PRDM5: variants seen among roughly 807,000 people sequenced by gnomAD.
PRDM5 encodes the protein PR/SET domain 5, also known as PR domain zinc finger protein 5.
PRDM5 carries 56 observed loss-of-function variants against 81.2 expected under a neutral mutation model. The observed-to-expected ratio is 0.69, with a 90% CI of 0.56 to 0.86. The LOEUF (loss-of-function observed/expected upper bound fraction) is 0.86. PRDM5 is among the 40% of genes least tolerant of loss of function. The probability of loss-of-function intolerance (pLI) is 0.00; values close to 1 mark genes in which losing one functional copy is unlikely to be tolerated. For synonymous variants in PRDM5, 267 were observed against 256.4 expected (o/e 1.04, Z -0.39); for missense variants, 697 against 770.1 (o/e 0.91, Z 1.12).
intron 1 of PRDM5, among the ~76,000 whole-genome samples, chr4:120,914,005 A>C (rs1021880474): frequency 2.0e-5 from 3 of 152,166 alleles, no homozygotes; most frequent in African/African-American, 7.2e-5. Context: ...ATTCAATAAC[A>C]GTCTTGAGCT....
chr4:120,870,866 T>C lies in PRDM5; in HGVS notation c.178-17326A>G, dbSNP rs184780298. Among the ~76,000 whole-genome samples, 29 of 152,280 alleles carry C rather than the reference T, an allele frequency of 1.9e-4. 1 individual carries two copies. Among genetic ancestry groups the C allele is most frequent in the Non-Finnish European group, 3.4e-4 (23 of 68,024 alleles). On this transcript the variant is annotated intron_variant, in intron 2 of 15. Coordinates refer to ENST00000264808, the MANE Select transcript of PRDM5 (RefSeq NM_018699.4). ...GAAGGAGATTTATTCAGAGTCTAGG[T>C]AGGGTTGAGCCTGGGCAGGCAAGAA...
At chr4:120,903,216 G>T (rs1765407427) in intron 2 of PRDM5, among the ~76,000 whole-genome samples, 1 of 152,052 alleles carries the variant, frequency 6.6e-6, no homozygotes, top group African/African-American at 2.4e-5. Flanking sequence ...CATAGATATG[G>T]GGCATAGCAG....
intron 8 of PRDM5, among the ~76,000 whole-genome samples, chr4:120,807,945 A>C (rs1753230998): frequency 6.6e-6 from 1 of 151,484 alleles, no homozygotes; most frequent in Non-Finnish European, 1.5e-5. Context: ...TGAGTGTTAC[A>C]GTTCTTAAAG....
At chr4:120,743,428 A>G (rs1417649180) in intron 14 of PRDM5, among the ~76,000 whole-genome samples, 2 of 148,878 alleles carry the variant, frequency 1.3e-5, no homozygotes, top group Admixed American at 1.3e-4. Context: ...CACACATAAC[A>G]CTATTAACTT....
At chr4:120,826,602 T>C (rs1756025094) in intron 3 of PRDM5, among the ~76,000 whole-genome samples, 1 of 151,966 alleles carries the variant, frequency 6.6e-6, no homozygotes, top group Non-Finnish European at 1.5e-5. Flanking sequence ...TAATAGGTAG[T>C]AAAATACTTG....
chr4:120,803,754 A>G (rs1446557792), intron 8 of PRDM5, among the ~76,000 whole-genome samples: 2 of 152,236 alleles, frequency 1.3e-5, no homozygotes, highest in Non-Finnish European at 2.9e-5. Context: ...AAAACATGCC[A>G]AATTGTAAAG....
chr4:120,907,003 T>TAAAAAA (rs3086696), intron 2 of PRDM5, among the ~76,000 whole-genome samples: 2 of 111,792 alleles, frequency 1.8e-5, no homozygotes, highest in African/African-American at 6.7e-5. Flanking sequence ...CCACTTTCTC[T>TAAAAAA]AAAAAAAAAA....
chr4:120,886,821 T>C (rs868552748), intron 2 of PRDM5, among the ~76,000 whole-genome samples: 2 of 152,110 alleles, frequency 1.3e-5, no homozygotes, highest in Admixed American at 6.5e-5. Flanking sequence ...TACAACATAG[T>C]CTACCCCACC....
chr4:120,720,546 GCCATATATCTAA>G (rs1162311399), intron 14 of PRDM5, among the ~76,000 whole-genome samples: 1 of 152,174 alleles, frequency 6.6e-6, no homozygotes, highest in Non-Finnish European at 1.5e-5. Context: ...AGTACGGCAT[GCCATATATCTAA>G]CAGTTCCTCT....
chr4:120,735,016 C>T (rs1396380717), intron 14 of PRDM5, among the ~76,000 whole-genome samples: 1 of 152,182 alleles, frequency 6.6e-6, no homozygotes. Flanking sequence ...AGTTGGCCAT[C>T]TGAGACCAAA....
chr4:120,916,392 T>C (rs1310776296), intron 1 of PRDM5, among the ~76,000 whole-genome samples: 1 of 113,994 alleles, frequency 8.8e-6, no homozygotes, highest in Non-Finnish European at 2.0e-5. Flanking sequence ...ATCTCATAAA[T>C]AAATAAATAA....
intron 2 of PRDM5, among the ~76,000 whole-genome samples, chr4:120,890,848 G>A (rs1323488659): frequency 6.6e-6 from 1 of 152,070 alleles, no homozygotes; most frequent in Admixed American, 6.6e-5. Context: ...ATTTGTTTAA[G>A]TACCTTATAC....
At chr4:120,709,650 C>T (rs1355707708) in intron 15 of PRDM5, among the ~76,000 whole-genome samples, 1 of 152,100 alleles carries the variant, frequency 6.6e-6, no homozygotes, top group Non-Finnish European at 1.5e-5. Context: ...TACATTGATT[C>T]CCTAACATCT....
intron 3 of PRDM5, among the ~76,000 whole-genome samples, chr4:120,831,850 G>A (rs1033476304): frequency 1.3e-5 from 2 of 152,194 alleles, no homozygotes; most frequent in South Asian, 2.1e-4. Flanking sequence ...AATGTTTGAA[G>A]TATCAAGTCT....
At chr4:120,789,091 T>C (rs1410586740) in intron 10 of PRDM5, among the ~76,000 whole-genome samples, 1 of 152,186 alleles carries the variant, frequency 6.6e-6, no homozygotes, top group East Asian at 1.9e-4. Context: ...TGATGTTCTG[T>C]AGAACATCCC....
At chr4:120,790,324 T>C (rs1240860839) in intron 10 of PRDM5, among the ~76,000 whole-genome samples, 1 of 152,214 alleles carries the variant, frequency 6.6e-6, no homozygotes, top group Non-Finnish European at 1.5e-5. Flanking sequence ...ACCATGTGGC[T>C]TCACAGAAAT....
At chr4:120,714,366 C>T (rs1737448295) in intron 14 of PRDM5, among the ~76,000 whole-genome samples, 2 of 152,060 alleles carry the variant, frequency 1.3e-5, no homozygotes, top group Non-Finnish European at 2.9e-5. Flanking sequence ...CTGTTGTACT[C>T]TAATTTCTTA....
At chr4:120,788,633 A>G (rs1335697188) in intron 10 of PRDM5, among the ~76,000 whole-genome samples, 1 of 152,236 alleles carries the variant, frequency 6.6e-6, no homozygotes, top group East Asian at 1.9e-4. Context: ...AATTTGGGAC[A>G]TAACATGACT....
At chr4:120,789,779 T>C (rs1202856998) in intron 10 of PRDM5, among the ~76,000 whole-genome samples, 1 of 152,198 alleles carries the variant, frequency 6.6e-6, no homozygotes, top group Non-Finnish European at 1.5e-5. Flanking sequence ...ACTGGAAAGA[T>C]ATTGAAGAAG....
Sources: gnomAD v4.1 joint callset for allele counts (sites outside exome capture counted in the v4.1 genomes callset) on GRCh38, gnomAD v4.1.1 for gene constraint, MANE v1.5 for transcripts, NCBI Gene and HGNC (gene_info 2026-07-23, HGNC 2026-07-21) for gene names.